Variants in GABRG2 observed in about 807,000 individuals in gnomAD.
The protein encoded by GABRG2 is gamma-aminobutyric acid type A receptor subunit gamma2.
GABRG2 carries 16 observed loss-of-function variants against 56.4 expected under a neutral mutation model. The observed-to-expected ratio is 0.28, with a 90% CI of 0.19 to 0.43. The LOEUF is 0.43. Among genes scored for constraint, GABRG2 ranks in the 20% least tolerant of loss-of-function variants. The pLI is 1.00. For missense variants in GABRG2, 327 were observed against 582.7 expected, an observed-to-expected ratio of 0.56 and a Z score of 4.52; for synonymous variants, 208 against 205.5, an observed-to-expected ratio of 1.01 and a Z score of -0.10.
chr5:162,115,472 A>G (rs897188937), intron 6 of GABRG2, among the ~76,000 whole-genome samples: 1 of 151,372 alleles, frequency 6.6e-6, no homozygotes, highest in Non-Finnish European at 1.5e-5. Context: ...AGGTGAGGGA[A>G]GGGGACCAGG....
At chr5:162,089,274 G>A (rs989930056) in intron 1 of GABRG2, among the ~76,000 whole-genome samples, 1 of 152,088 alleles carries the variant, frequency 6.6e-6, no homozygotes, top group Non-Finnish European at 1.5e-5. Flanking sequence ...TACGGAACAA[G>A]AAATTCCTGT....
chr5:162,144,153 G>C (rs1312877058), intron 7 of GABRG2, among the ~76,000 whole-genome samples: 1 of 152,186 alleles, frequency 6.6e-6, no homozygotes, highest in African/African-American at 2.4e-5. Flanking sequence ...TTCTATGTCT[G>C]TCATCAGAAT....
intron 6 of GABRG2, among the ~76,000 whole-genome samples, chr5:162,111,057 C>A (rs925855025): frequency 2.0e-5 from 3 of 152,040 alleles, no homozygotes; most frequent in Non-Finnish European, 2.9e-5. Flanking sequence ...TATTCATAAT[C>A]CCTGATATAA....
At position 162,105,432 on chromosome 5, in the gene GABRG2, C is replaced by CTTTTTTT. The variant is rs533258756; in HGVS notation, c.769+1415_769+1421dup. On this transcript the variant is annotated intron_variant, in intron 6 of 9. Transcript: ENST00000639213. ...GACCATCAAGTATTAGTAGAACAAT[C>CTTTTTTT]TTTTTTTTTTTTTTTGAGAAGGAGT... Among the ~76,000 whole-genome samples, 124 of 104,126 alleles carry CTTTTTTT rather than the reference C, an allele frequency of 1.2e-3. 14 individuals carry two copies. Among genetic ancestry groups the CTTTTTTT allele is most frequent in the African/African-American group, 3.8e-3 (106 of 27,744 alleles). 68.3% of individuals were successfully genotyped at this position (104,126 alleles called of 152,430 possible).
At chr5:162,077,930 G>C (rs1299033901) in intron 1 of GABRG2, among the ~76,000 whole-genome samples, 8 of 152,062 alleles carry the variant, frequency 5.3e-5, no homozygotes, top group Non-Finnish European at 1.0e-4. Flanking sequence ...GGGAGGAAAG[G>C]AGGAGGGAGG....
At chr5:162,094,144 G>A (rs1187129916) in intron 2 of GABRG2, 165 bp downstream of exon 2, 4 of 702,522 alleles carry the variant, frequency 5.7e-6, no homozygotes, top group Non-Finnish European at 9.7e-6. Flanking sequence ...ATGAGTGGGA[G>A]AGGTGTCAAT....
chr5:162,109,364 A>C (rs959807023), intron 6 of GABRG2, among the ~76,000 whole-genome samples: 1 of 145,258 alleles, frequency 6.9e-6, no homozygotes, highest in African/African-American at 2.6e-5. Flanking sequence ...CACGTTGTGC[A>C]CATGTACCCT....
intron 1 of GABRG2, among the ~76,000 whole-genome samples, chr5:162,091,243 G>C (rs1760556614): frequency 6.6e-6 from 1 of 151,602 alleles, no homozygotes; most frequent in Non-Finnish European, 1.5e-5. Context: ...GTTTGAAGCT[G>C]GTGTTATAAA....
At chr5:162,076,297 T>C (rs1054366601) in intron 1 of GABRG2, among the ~76,000 whole-genome samples, 3 of 152,194 alleles carry the variant, frequency 2.0e-5, no homozygotes, top group African/African-American at 7.2e-5. Flanking sequence ...GGACATTATT[T>C]ATCCCCTGAT....
At chr5:162,086,883 A>C (rs1760163343) in intron 1 of GABRG2, among the ~76,000 whole-genome samples, 1 of 151,994 alleles carries the variant, frequency 6.6e-6, no homozygotes. Flanking sequence ...GTATGTGACA[A>C]ATAATGCAAC....
At chr5:162,119,417 A>G (rs1762836612) in intron 6 of GABRG2, among the ~76,000 whole-genome samples, 1 of 152,202 alleles carries the variant, frequency 6.6e-6, no homozygotes, top group South Asian at 2.1e-4. Flanking sequence ...GTTGAAAACT[A>G]CTGTGTGCAG....
At chr5:162,128,468 T>C (rs1038646765) in intron 6 of GABRG2, 2 of 151,944 alleles carry the variant, frequency 1.3e-5, no homozygotes, top group Non-Finnish European at 2.9e-5. Flanking sequence ...CAAGGAACAA[T>C]GCTGGAAATG....
At chr5:162,091,928 A>G (rs1207113058) in intron 1 of GABRG2, among the ~76,000 whole-genome samples, 1 of 152,128 alleles carries the variant, frequency 6.6e-6, no homozygotes, top group African/African-American at 2.4e-5. Flanking sequence ...AGAGAGAGAG[A>G]GAGATTTTTT....
chr5:162,081,610 T>C (rs62384030), intron 1 of GABRG2, among the ~76,000 whole-genome samples: 10,817 of 152,042 alleles, frequency 0.071, 442 homozygotes, highest in Middle Eastern at 0.082. Flanking sequence ...CATAATACTT[T>C]TGAGATTCAT....
chr5:162,126,771 T>C (rs1763368626), intron 6 of GABRG2, among the ~76,000 whole-genome samples: 1 of 151,926 alleles, frequency 6.6e-6, no homozygotes, highest in African/African-American at 2.4e-5. Flanking sequence ...TTTCACTTGT[T>C]TCCTCTCCCT....
intron 6 of GABRG2, among the ~76,000 whole-genome samples, chr5:162,130,631 A>G (rs957804004): frequency 2.0e-5 from 3 of 151,984 alleles, no homozygotes; most frequent in Admixed American, 1.3e-4. Context: ...TATATTTATT[A>G]ATGACATTTC....
intron 6 of GABRG2, among the ~76,000 whole-genome samples, chr5:162,110,883 G>C (rs139266908): frequency 6.6e-6 from 1 of 152,120 alleles, no homozygotes; most frequent in Non-Finnish European, 1.5e-5. Context: ...AATTTAGAAA[G>C]TTAGCTTTGG....
chr5:162,113,403 A>C (rs776211904), intron 6 of GABRG2, among the ~76,000 whole-genome samples: 16 of 152,200 alleles, frequency 1.1e-4, no homozygotes, highest in Admixed American at 1.0e-3. Context: ...CATGTTCCAC[A>C]ATGATGACAA....
rs1474475381 is a variant in GABRG2 at position 162,153,837 on chromosome 5, A to G, written c.*469A>G. 5.6e-6 allele frequency: 1 copy of G among 180,144 alleles called. No individual in the cohort carries two copies. Among genetic ancestry groups the G allele is most frequent in the African/African-American group, 2.4e-5 (1 of 41,886 alleles). The allele number at this position is 180,144 out of a possible 1,614,324, so 11.2% of individuals were successfully genotyped here. On this transcript the variant is annotated 3_prime_UTR_variant, in exon 10 of 10. Coordinates refer to ENST00000639213, the MANE Select transcript of GABRG2 (RefSeq NM_198904.4). The stretch of plus-strand genomic sequence containing the variant: ...TAACTCACTTTAAATATGAAAGCCT[A>G]GTCCAGAAATCTATTACACCTTTAT...
Sources: allele counts gnomAD v4.1 joint callset (sites outside exome capture counted in the v4.1 genomes callset), GRCh38; gene constraint gnomAD v4.1.1; transcripts MANE v1.5; gene names NCBI Gene and HGNC (gene_info 2026-07-23, HGNC 2026-07-21).